The following NCR1 variants were observed in gnomAD, a reference collection of about 807,000 sequenced individuals.
The protein encoded by NCR1 is NK cell-activating receptor.
NCR1 carries 30 observed loss-of-function variants against 32.5 expected under a neutral mutation model. That is an observed-to-expected ratio of 0.92 (90% CI 0.69 to 1.25). NCR1 has a LOEUF of 1.25. Ranked by LOEUF, NCR1 falls within the 50% of genes most tolerant of loss-of-function variation. The pLI, the probability that NCR1 is intolerant of heterozygous loss-of-function variation, is 0.00. For synonymous variants in NCR1, 169 were observed against 143.4 expected, an observed-to-expected ratio of 1.18 and a Z score of -1.28; for missense variants, 369 against 380.7, an observed-to-expected ratio of 0.97 and a Z score of 0.26.
upstream of NCR1, among the ~76,000 whole-genome samples, chr19:54,903,190 T>A (rs1184668370): frequency 6.6e-6 from 1 of 151,706 alleles, no homozygotes; most frequent in Admixed American, 6.6e-5. Context: ...ACTAGTCTTG[T>A]ACAGTAGTCA....
At chr19:54,905,208 T>C (rs4806619), upstream of NCR1, among the ~76,000 whole-genome samples, 13,911 of 152,156 alleles carry the variant, frequency 0.091, 723 homozygotes, top group Middle Eastern at 0.14. Context: ...CCACCAACAG[T>C]GTATAAGTGT....
At chr19:54,910,152 C>T (rs1326287780) in intron 5 of NCR1, 87 bp downstream of exon 5, 13 of 1,338,644 alleles carry the variant, frequency 9.7e-6, no homozygotes, top group South Asian at 3.6e-5. Flanking sequence ...AAATATTCAT[C>T]GAGGCCAGGC....
At chr19:54,918,488 G>A (rs2068178840), downstream of NCR1, among the ~76,000 whole-genome samples, 1 of 152,058 alleles carries the variant, frequency 6.6e-6, no homozygotes, top group Non-Finnish European at 1.5e-5. Flanking sequence ...TGGTCAGGAT[G>A]GTCTCGAACT....
chr19:54,936,250 G>A, the NCR1 span: 126 of 1,611,440 alleles, frequency 7.8e-5, no homozygotes, highest in African/African-American at 4.3e-4. Flanking sequence ...AGCCGTGACC[G>A]TGAGACCCAC....
the NCR1 span, among the ~76,000 whole-genome samples, chr19:54,936,984 C>T: frequency 1.3e-5 from 2 of 149,894 alleles, no homozygotes; most frequent in Non-Finnish European, 1.5e-5. Context: ...AGGCCGAGGC[C>T]GAGGCGGGTG....
At chr19:54,931,858 A>C in the NCR1 span, among the ~76,000 whole-genome samples, 2 of 138,762 alleles carry the variant, frequency 1.4e-5, no homozygotes, top group African/African-American at 2.9e-5. Flanking sequence ...AAAAAAAAAA[A>C]AACATCCAAA....
In NCR1 at chr19:54,909,260, C is replaced by T. The variant is rs916836111; in HGVS notation, c.371C>T (p.Pro124Leu). The change falls in exon 4 of 7, where the codon CCC (proline) becomes CTC (leucine). Residue 124 changes from proline to leucine, a missense_variant. Pro to Leu is a moderately conservative substitution (Grantham distance 98). Coordinates refer to ENST00000291890, the MANE Select transcript of NCR1 (RefSeq NM_004829.7). The stretch of plus-strand genomic sequence containing the variant: ...TCTCTCATAGAAATGTATGACACAC[C>T]CACCCTCTCGGTTCATCCTGGACCC... ...DLVVTEMYDTPTLSVHPGPEV... is the reference protein window; with the variant it reads ...DLVVTEMYDTLTLSVHPGPEV... 1.2e-6 allele frequency: 2 copies of T among 1,612,720 alleles called. No homozygotes were observed. The highest frequency in any genetic ancestry group is 1.7e-5 in the Admixed American group (1 of 59,984).
At chr19:54,919,714 A>AGGCC (rs2068206396), downstream of NCR1, among the ~76,000 whole-genome samples, 1 of 100,064 alleles carries the variant, frequency 1.0e-5, no homozygotes. Flanking sequence ...GGAAAGGGAG[A>AGGCC]CCCCCCCCCC....
the NCR1 span, chr19:54,923,691 A>G: frequency 3.7e-6 from 6 of 1,608,458 alleles, no homozygotes; most frequent in Non-Finnish European, 5.1e-6. Flanking sequence ...GACATCTTAG[A>G]GACCCGAATC....
At chr19:54,920,882 G>C (rs1210162358), downstream of NCR1, among the ~76,000 whole-genome samples, 4 of 152,080 alleles carry the variant, frequency 2.6e-5, no homozygotes, top group Non-Finnish European at 5.9e-5. Flanking sequence ...GAGGCGGGTG[G>C]CTCACCTGAG....
At chr19:54,912,627 A>T (rs1569537603) in intron 6 of NCR1, 63 bp from the exon 7 acceptor site, 8 of 480,000 alleles carry the variant, frequency 1.7e-5, no homozygotes, top group Non-Finnish European at 2.2e-5. Context: ...AAAAAAAAAA[A>T]AAAAAAAAAA....
upstream of NCR1, among the ~76,000 whole-genome samples, chr19:54,904,531 CTTTT>C (rs1556717280): frequency 8.4e-6 from 1 of 118,986 alleles, no homozygotes; most frequent in African/African-American, 3.2e-5. Flanking sequence ...GTTTTCTTTT[CTTTT>C]TTTTTTTTTT....
the NCR1 span, among the ~76,000 whole-genome samples, chr19:54,937,034 CG>C: frequency 6.6e-6 from 1 of 151,562 alleles, no homozygotes; most frequent in Non-Finnish European, 1.5e-5. Context: ...CTGGCTAACA[CG>C]GTGAAACCCC....
intron 3 of NCR1, among the ~76,000 whole-genome samples, chr19:54,908,383 C>T (rs2067747551): frequency 6.6e-6 from 1 of 152,160 alleles, no homozygotes; most frequent in Admixed American, 6.6e-5. Flanking sequence ...CCTATGTCTA[C>T]TTCTTTCTAC....
At chr19:54,927,189 G>T in the NCR1 span, among the ~76,000 whole-genome samples, 1 of 152,052 alleles carries the variant, frequency 6.6e-6, no homozygotes, top group South Asian at 2.1e-4. Context: ...AGGAGTTCAA[G>T]ACTAGCCTGG....
chr19:54,936,259 A>AC, the NCR1 span: 1 of 1,612,524 alleles, frequency 6.2e-7, no homozygotes. Flanking sequence ...CGTGAGACCC[A>AC]CCTCAGGTAC....
At chr19:54,937,215 CAAAAA>C in the NCR1 span, among the ~76,000 whole-genome samples, 1 of 77,604 alleles carries the variant, frequency 1.3e-5, no homozygotes, top group African/African-American at 4.9e-5. Flanking sequence ...GAGACTGTCT[CAAAAA>C]AAAAAAAAAA....
the NCR1 span, among the ~76,000 whole-genome samples, chr19:54,937,034 C>T: frequency 2.6e-5 from 4 of 151,684 alleles, no homozygotes; most frequent in South Asian, 6.2e-4. Context: ...CTGGCTAACA[C>T]GGTGAAACCC....
At chr19:54,906,828 C>T (rs759487487) in intron 3 of NCR1, 21 bp downstream of exon 3, 1 of 1,611,880 alleles carries the variant, frequency 6.2e-7, no homozygotes, top group South Asian at 1.1e-5. Flanking sequence ...GGTTCTCTAA[C>T]TGGAGAGTGA....
Sources: allele counts gnomAD v4.1 joint callset (sites outside exome capture counted in the v4.1 genomes callset), GRCh38; gene constraint gnomAD v4.1.1; transcripts MANE v1.5; gene names NCBI Gene and HGNC (gene_info 2026-07-23, HGNC 2026-07-21).